Variants in CACNA1E observed in about 807,000 individuals in gnomAD.
The protein encoded by CACNA1E is voltage-dependent R-type calcium channel subunit alpha-1E.
Under a neutral mutation model 259.2 loss-of-function variants are expected in CACNA1E, and 40 were observed. That is an observed-to-expected ratio of 0.15 (90% CI 0.12 to 0.20). CACNA1E has a LOEUF of 0.20. CACNA1E is among the 10% of genes least tolerant of loss of function. The pLI, the probability that CACNA1E is intolerant of heterozygous loss-of-function variation, is 1.00. For synonymous variants in CACNA1E, 1,104 were observed against 1,138.5 expected, an observed-to-expected ratio of 0.97 and a Z score of 0.61; for missense variants, 1,874 against 3,040.1, an observed-to-expected ratio of 0.62 and a Z score of 9.02.
At chr1:181,652,349 A>C (rs1315360983) in intron 7 of CACNA1E, among the ~76,000 whole-genome samples, 1 of 152,206 alleles carries the variant, frequency 6.6e-6, no homozygotes, top group East Asian at 1.9e-4. Flanking sequence ...TCAAATGAAA[A>C]TTTATAAGGT....
chr1:181,332,447 T>A (rs1651359087), intron 1 of CACNA1E, among the ~76,000 whole-genome samples: 1 of 152,210 alleles, frequency 6.6e-6, no homozygotes, highest in Non-Finnish European at 1.5e-5. Context: ...CCATTTTTAT[T>A]TTCTAAGTAT....
chr1:181,790,612 T>A, intron 44 of CACNA1E, 56 bp downstream of exon 44: 1 of 1,080,864 alleles, frequency 9.3e-7, no homozygotes, highest in Non-Finnish European at 1.4e-6. Context: ...CTGATCCCTC[T>A]CACTAATTTT....
At chr1:181,505,934 G>A (rs1051010882) in intron 1 of CACNA1E, among the ~76,000 whole-genome samples, 1 of 152,208 alleles carries the variant, frequency 6.6e-6, no homozygotes, top group East Asian at 1.9e-4. Flanking sequence ...GGTGAGTGAG[G>A]CAGGCAAGGT....
rs1252942162 is a variant in CACNA1E, at chr1:181,769,444, GT to G, written c.4882-1837del. Among the ~76,000 whole-genome samples the G allele has an allele frequency of 4.4e-4, 63 of 142,920 alleles. 1 individual carries two copies. The highest frequency in any genetic ancestry group is 3.6e-3 in the Middle Eastern group (1 of 276). 93.8% of individuals were successfully genotyped at this position (142,920 alleles called of 152,430 possible). ...TATGTTTGTTTTGTTCTGCTTTTTGGTTTTTTTTTTTTGTAAAGATGAGGTC... is the reference window on the plus strand; with the variant it reads ...TATGTTTGTTTTGTTCTGCTTTTTGGTTTTTTTTTTTGTAAAGATGAGGTC... On this transcript the variant is annotated intron_variant, in intron 35 of 47. Coordinates refer to ENST00000367573, the MANE Select transcript of CACNA1E (RefSeq NM_001205293.3).
At chr1:181,777,724 G>A (rs1283715014) in intron 38 of CACNA1E, among the ~76,000 whole-genome samples, 2 of 152,196 alleles carry the variant, frequency 1.3e-5, no homozygotes, top group Admixed American at 6.5e-5. Flanking sequence ...TTGTGAGGAT[G>A]ATATTAAATC....
Position 181,730,065 on chromosome 1 carries a change from T to G in CACNA1E, c.2241-1110T>G, listed in dbSNP as rs114046674. Among the ~76,000 whole-genome samples, 1,016 of 152,312 alleles carry G rather than the reference T, an allele frequency of 6.7e-3. 14 individuals carry two copies. Among genetic ancestry groups the G allele is most frequent in the African/African-American group, 0.024 (977 of 41,560 alleles). On this transcript the variant is annotated intron_variant, in intron 18 of 47. Transcript: ENST00000367573. The stretch of plus-strand genomic sequence containing the variant: ...GGGTGCTCCTGGGTGGCCACACACA[T>G]GTGCACTGTGCATCTTCCAGACACC...
intron 1 of CACNA1E, among the ~76,000 whole-genome samples, chr1:181,318,558 T>C (rs1650091719): frequency 6.6e-6 from 1 of 152,140 alleles, no homozygotes; most frequent in African/African-American, 2.4e-5. Flanking sequence ...CGCTGGGTTT[T>C]CGCAAGCCTT....
intron 6 of CACNA1E, among the ~76,000 whole-genome samples, chr1:181,602,031 G>C (rs766799303): frequency 6.6e-6 from 1 of 152,136 alleles, no homozygotes; most frequent in East Asian, 1.9e-4. Flanking sequence ...ACTCTTTCCC[G>C]TCCTCTGGTC....
intron 12 of CACNA1E, among the ~76,000 whole-genome samples, chr1:181,719,481 C>G (rs1341829904): frequency 6.6e-6 from 1 of 152,188 alleles, no homozygotes; most frequent in East Asian, 1.9e-4. Flanking sequence ...GCAGAAGCAG[C>G]AACTGGCTGT....
At chr1:181,478,586 T>C (rs902065724), upstream of CACNA1E, among the ~76,000 whole-genome samples, 1 of 151,886 alleles carries the variant, frequency 6.6e-6, no homozygotes, top group African/African-American at 2.4e-5. Flanking sequence ...GGAGGAAAAA[T>C]AGAACAAAAG....
intron 3 of CACNA1E, among the ~76,000 whole-genome samples, chr1:181,547,872 T>G (rs1319301729): frequency 6.6e-6 from 1 of 152,208 alleles, no homozygotes; most frequent in East Asian, 1.9e-4. Context: ...AAGTAAAAAC[T>G]GTCTTAAATA....
intron 6 of CACNA1E, among the ~76,000 whole-genome samples, chr1:181,635,131 A>G (rs1440722278): frequency 6.6e-6 from 1 of 152,220 alleles, no homozygotes; most frequent in African/African-American, 2.4e-5. Flanking sequence ...CAGCCTTTCC[A>G]GGAGCCCTAC....
At chr1:181,532,922 T>A (rs954095022) in intron 3 of CACNA1E, among the ~76,000 whole-genome samples, 3 of 152,266 alleles carry the variant, frequency 2.0e-5, no homozygotes, top group African/African-American at 4.8e-5. Flanking sequence ...CTTTGAAGAC[T>A]ATTATTACAT....
At chr1:181,654,484 A>G (rs554579621) in intron 7 of CACNA1E, among the ~76,000 whole-genome samples, 2 of 152,206 alleles carry the variant, frequency 1.3e-5, no homozygotes, top group Admixed American at 6.5e-5. Context: ...TCACATTGCC[A>G]GATTAAAAGA....
At chr1:181,416,844 A>T (rs981120954) in intron 2 of CACNA1E, among the ~76,000 whole-genome samples, 3 of 152,148 alleles carry the variant, frequency 2.0e-5, no homozygotes, top group Non-Finnish European at 4.4e-5. Context: ...CACTTGCTTC[A>T]TTCCAGGAAG....
chr1:181,589,837 A>G (rs961418951), intron 6 of CACNA1E, among the ~76,000 whole-genome samples: 1 of 152,246 alleles, frequency 6.6e-6, no homozygotes, highest in Non-Finnish European at 1.5e-5. Context: ...CAAAGATGTC[A>G]GAGCTCTTGA....
chr1:181,358,168 A>G (rs947870382), intron 1 of CACNA1E, among the ~76,000 whole-genome samples: 1 of 152,138 alleles, frequency 6.6e-6, no homozygotes, highest in African/African-American at 2.4e-5. Context: ...TCTACGTGGA[A>G]GGGGCCAGGT....
At chr1:181,607,884 G>T (rs1276625851) in intron 6 of CACNA1E, among the ~76,000 whole-genome samples, 1 of 152,176 alleles carries the variant, frequency 6.6e-6, no homozygotes, top group African/African-American at 2.4e-5. Flanking sequence ...GGGTTTTGAA[G>T]AGGGTTTAGT....
At chr1:181,385,665 C>T (rs941793185) in intron 1 of CACNA1E, among the ~76,000 whole-genome samples, 1 of 152,070 alleles carries the variant, frequency 6.6e-6, no homozygotes, top group Non-Finnish European at 1.5e-5. Flanking sequence ...ACTTTGAATC[C>T]GTCATTTCTG....
Sources: allele counts gnomAD v4.1 joint callset (sites outside exome capture counted in the v4.1 genomes callset), GRCh38; gene constraint gnomAD v4.1.1; transcripts MANE v1.5; gene names NCBI Gene and HGNC (gene_info 2026-07-23, HGNC 2026-07-21).